Variants in ENTREP2 observed in about 807,000 individuals in gnomAD.
The protein encoded by ENTREP2 is protein ENTREP2.
At chr15:29,225,713 G>C in the ENTREP2 span, among the ~76,000 whole-genome samples, 1 of 152,172 alleles carries the variant, frequency 6.6e-6, no homozygotes, top group Non-Finnish European at 1.5e-5. Flanking sequence ...CCACGGAACC[G>C]GGGGACACAT....
the ENTREP2 span, among the ~76,000 whole-genome samples, chr15:29,588,643 G>A: frequency 6.6e-6 from 1 of 151,644 alleles, no homozygotes; most frequent in African/African-American, 2.4e-5. Flanking sequence ...GAAGGAAGGA[G>A]AAAGAGGAAA....
the ENTREP2 span, chr15:29,609,934 A>G: frequency 2.0e-5 from 3 of 150,712 alleles, no homozygotes; most frequent in South Asian, 4.2e-4. Context: ...GTAGACTTCT[A>G]TTGAGAACAA....
At chr15:29,156,954 G>C in the ENTREP2 span, among the ~76,000 whole-genome samples, 1 of 152,218 alleles carries the variant, frequency 6.6e-6, no homozygotes, top group South Asian at 2.1e-4. Flanking sequence ...AAAATTAGCC[G>C]GGAGAGGTGG....
At chr15:29,423,776 C>T in the ENTREP2 span, among the ~76,000 whole-genome samples, 3 of 151,968 alleles carry the variant, frequency 2.0e-5, no homozygotes, top group Non-Finnish European at 1.5e-5. Context: ...CCAACCTGGG[C>T]GACAGCGAGA....
chr15:29,547,282 G>A, the ENTREP2 span, among the ~76,000 whole-genome samples: 17 of 151,478 alleles, frequency 1.1e-4, no homozygotes, highest in African/African-American at 4.1e-4. Flanking sequence ...TAGAGACCGG[G>A]TTTCACCATA....
At chr15:29,652,563 C>T in the ENTREP2 span, among the ~76,000 whole-genome samples, 22 of 152,340 alleles carry the variant, frequency 1.4e-4, no homozygotes, top group African/African-American at 4.6e-4. Context: ...GACCTGGGGG[C>T]TCCCCAAGCC....
At chr15:29,622,795 T>C in the ENTREP2 span, among the ~76,000 whole-genome samples, 4 of 152,232 alleles carry the variant, frequency 2.6e-5, no homozygotes, top group Non-Finnish European at 5.9e-5. Context: ...GCATTCACTG[T>C]TCTCATTAGT....
the ENTREP2 span, among the ~76,000 whole-genome samples, chr15:29,465,526 A>G: frequency 6.6e-6 from 1 of 152,180 alleles, no homozygotes; most frequent in South Asian, 2.1e-4. Context: ...ACACCTTCTG[A>G]TACCCTACAG....
the ENTREP2 span, among the ~76,000 whole-genome samples, chr15:29,280,809 C>T: frequency 3.7e-3 from 568 of 152,304 alleles, 2 homozygotes; most frequent in Non-Finnish European, 5.4e-3. Context: ...GTTTGCTGCC[C>T]CTTGAAGTTG....
chr15:29,143,807 G>A, the ENTREP2 span, among the ~76,000 whole-genome samples: 14 of 152,062 alleles, frequency 9.2e-5, no homozygotes, highest in East Asian at 1.2e-3. Context: ...ATGAAAACCC[G>A]CTCAGAACAA....
chr15:29,203,438 C>T, the ENTREP2 span, among the ~76,000 whole-genome samples: 7 of 152,242 alleles, frequency 4.6e-5, no homozygotes, highest in East Asian at 1.9e-4. Context: ...TCCTGTTTCT[C>T]CACAGCCTCA....
At chr15:29,419,660 TAA>T in the ENTREP2 span, among the ~76,000 whole-genome samples, 1 of 151,996 alleles carries the variant, frequency 6.6e-6, no homozygotes, top group Non-Finnish European at 1.5e-5. Context: ...AAAAGAAACC[TAA>T]ATAAAAGGAA....
chr15:29,465,313 A>G, the ENTREP2 span, among the ~76,000 whole-genome samples: 1 of 152,130 alleles, frequency 6.6e-6, no homozygotes, highest in African/African-American at 2.4e-5. Context: ...AAGTAAGGAC[A>G]TTTCTTGGTT....
At chr15:29,245,107 A>C in the ENTREP2 span, among the ~76,000 whole-genome samples, 1 of 152,214 alleles carries the variant, frequency 6.6e-6, no homozygotes, top group African/African-American at 2.4e-5. Flanking sequence ...TGTACATTCA[A>C]CTGCTTGTAC....
At chr15:29,281,768 C>A in the ENTREP2 span, among the ~76,000 whole-genome samples, 1 of 152,220 alleles carries the variant, frequency 6.6e-6, no homozygotes. Context: ...AGCTTCCCAG[C>A]TGACATCTGT....
chr15:29,244,079 A>C, the ENTREP2 span, among the ~76,000 whole-genome samples: 1 of 152,244 alleles, frequency 6.6e-6, no homozygotes. Context: ...AGCCTAATGT[A>C]TACCTTCTCA....
chr15:29,672,467 CTATT>C, the ENTREP2 span, among the ~76,000 whole-genome samples: 5 of 152,202 alleles, frequency 3.3e-5, no homozygotes, highest in Admixed American at 2.6e-4. Context: ...GTTGCATTCT[CTATT>C]TTTTTTTTCT....
chr15:29,556,899 C>T, the ENTREP2 span, among the ~76,000 whole-genome samples: 2 of 152,120 alleles, frequency 1.3e-5, no homozygotes, highest in African/African-American at 4.8e-5. Context: ...GGGGCAGCCA[C>T]CTCAGGCCCC....
At chr15:29,394,769 CTTCT>C in the ENTREP2 span, among the ~76,000 whole-genome samples, 2 of 151,378 alleles carry the variant, frequency 1.3e-5, no homozygotes, top group African/African-American at 2.4e-5. Flanking sequence ...AACCACCATT[CTTCT>C]TTCTGTCTCT....
Sources: allele counts gnomAD v4.1 joint callset (sites outside exome capture counted in the v4.1 genomes callset), GRCh38; gene constraint gnomAD v4.1.1; transcripts MANE v1.5; gene names NCBI Gene and HGNC (gene_info 2026-07-23, HGNC 2026-07-21).